The following WNT3A variants were observed in gnomAD, a reference collection of about 807,000 sequenced individuals.
The protein encoded by WNT3A is Wnt family member 3A, also known as protein Wnt-3a.
Under a neutral mutation model 37.0 loss-of-function variants are expected in WNT3A, and 17 were observed. The observed-to-expected ratio is 0.46, with a 90% CI of 0.31 to 0.69. The LOEUF is 0.69. Ranked by LOEUF, WNT3A falls within the 30% of genes least tolerant of loss-of-function variation. The pLI is 0.05. For synonymous variants in WNT3A, 187 were observed against 211.0 expected (o/e 0.89, Z 0.99); for missense variants, 411 against 510.2 (o/e 0.81, Z 1.87).
At position 228,060,966 on chromosome 1, in the gene WNT3A, T is replaced by G. The variant is rs886535475; in HGVS notation, c.*1501T>G. ...GCCCCTCATGGCGGGACTGGAGAAA[T>G]GGTCCGCTTTCCTGGAGCCAATGGC... is the stretch of plus-strand genomic sequence containing the variant. On this transcript the variant is annotated 3_prime_UTR_variant, in exon 4 of 4. Coordinates refer to ENST00000284523, the MANE Select transcript of WNT3A (RefSeq NM_033131.4). The G allele has an allele frequency of 4.6e-5, 7 of 152,452 alleles. No homozygotes were observed. Among genetic ancestry groups the G allele is most frequent in the African/African-American group, 7.2e-5 (3 of 41,422 alleles). The allele number at this position is 152,452 out of a possible 1,614,324, so 9.4% of individuals were successfully genotyped here. A position where few individuals can be genotyped will look rare whatever the true frequency, so the allele number is the denominator to read the frequency against.
At chr1:228,027,136 C>T (rs545202548) in intron 2 of WNT3A, among the ~76,000 whole-genome samples, 1 of 152,372 alleles carries the variant, frequency 6.6e-6, no homozygotes, top group South Asian at 2.1e-4. Flanking sequence ...AGCCACGGTG[C>T]CTGGCCTTAT....
chr1:228,056,644 TCAGAACTG>T (rs1463796916), intron 3 of WNT3A, among the ~76,000 whole-genome samples: 6 of 152,142 alleles, frequency 3.9e-5, no homozygotes, highest in African/African-American at 1.4e-4. Flanking sequence ...GGAAGCTTCC[TCAGAACTG>T]TGGAGCACAG....
chr1:228,010,800 G>C (rs1158774045), intron 1 of WNT3A, among the ~76,000 whole-genome samples: 1 of 152,136 alleles, frequency 6.6e-6, no homozygotes, highest in Non-Finnish European at 1.5e-5. Context: ...ATCCCTCTGG[G>C]CCTCGAGCTT....
intron 1 of WNT3A, among the ~76,000 whole-genome samples, chr1:228,010,078 G>A (rs530887225): frequency 6.2e-4 from 94 of 152,222 alleles, no homozygotes; most frequent in Non-Finnish European, 7.8e-4. Context: ...CAGGAACCTA[G>A]TGGCCCCAGC....
chr1:228,014,271 A>T (rs888280767), intron 1 of WNT3A, among the ~76,000 whole-genome samples: 1 of 152,174 alleles, frequency 6.6e-6, no homozygotes, highest in Non-Finnish European at 1.5e-5. Context: ...GGGGAAACTG[A>T]GGCCCAGGAG....
At chr1:228,053,507 A>G (rs992263697) in intron 3 of WNT3A, among the ~76,000 whole-genome samples, 1 of 152,210 alleles carries the variant, frequency 6.6e-6, no homozygotes, top group African/African-American at 2.4e-5. Flanking sequence ...TTTCATCCAT[A>G]AAAAGACACC....
In WNT3A at chr1:228,060,143, T is replaced by C; in HGVS notation, c.*678T>C. ...AGGCTCCAATGGGGCGGGGCTTCTC[T>C]CCGCGGGTGGGACTCTTCCCTGGGA... On this transcript the variant is annotated 3_prime_UTR_variant, in exon 4 of 4. Transcript: ENST00000284523. The C allele has an allele frequency of 2.2e-6, 3 of 1,344,270 alleles. No homozygotes were observed. Among genetic ancestry groups the C allele is most frequent in the East Asian group, 9.2e-5 (2 of 21,774 alleles). The allele number at this position is 1,344,270 out of a possible 1,614,324, so 83.3% of individuals were successfully genotyped here. A position where few individuals can be genotyped will look rare whatever the true frequency, so the allele number is the denominator to read the frequency against.
chr1:228,045,568 G>C (rs748132234), intron 2 of WNT3A, among the ~76,000 whole-genome samples: 5 of 152,222 alleles, frequency 3.3e-5, no homozygotes, highest in African/African-American at 4.8e-5. Flanking sequence ...GAGGCTTAGA[G>C]AGGAAGTGCT....
At position 228,007,125 on chromosome 1, in the gene WNT3A, G is replaced by A. The variant is rs756679124; in HGVS notation, c.-4G>A. Reference sequence around the variant, plus strand: ...CCCGGCCCTCCGCGCCCTCTCGCGCGGCGATGGCCCCACTCGGATACTTCT... The same window carrying A: ...CCCGGCCCTCCGCGCCCTCTCGCGCAGCGATGGCCCCACTCGGATACTTCT... On this transcript the variant is annotated 5_prime_UTR_variant, in exon 1 of 4. Transcript: ENST00000284523. The surrounding 1 kb of genome is among the most constrained non-coding windows in gnomAD (Gnocchi z 6.0). The A allele has an allele frequency of 1.1e-5, 17 of 1,571,910 alleles. No homozygotes were observed. Among genetic ancestry groups the A allele is most frequent in the Non-Finnish European group, 1.4e-5 (16 of 1,160,932 alleles).
chr1:228,057,719 C>A (rs892131685), intron 3 of WNT3A, among the ~76,000 whole-genome samples: 8 of 152,086 alleles, frequency 5.3e-5, no homozygotes, highest in African/African-American at 1.9e-4. Context: ...AGAATGGGAG[C>A]CACAAATGGC....
At position 228,012,180 on chromosome 1, in the gene WNT3A, G is replaced by A. The variant is rs138144172; in HGVS notation, c.71+4981G>A. On this transcript the variant is annotated intron_variant, in intron 1 of 3. Transcript: ENST00000284523. ...GGCCACTTCTTCCACTGGGTCCCTT[G>A]TGCACATCACCGTACTGTGAGGAGG... Among the ~76,000 whole-genome samples the A allele has an allele frequency of 3.8e-3, 572 of 152,304 alleles. 3 individuals are homozygous for A. Among genetic ancestry groups the A allele is most frequent in the African/African-American group, 0.013 (540 of 41,560 alleles).
rs2031510199 is a variant in WNT3A, at chr1:228,050,098, C to T, written c.314-558C>T. Among the ~76,000 whole-genome samples the T allele has an allele frequency of 6.6e-6, 1 of 152,022 alleles. No individual in the cohort carries two copies. The highest frequency in any genetic ancestry group is 1.5e-5 in the Non-Finnish European group (1 of 68,002). On this transcript the variant is annotated intron_variant, in intron 2 of 3. Transcript: ENST00000284523. This position sits in a 1 kb window ranked among gnomAD's most constrained non-coding sequence, Gnocchi z 5.0. Reference sequence around the variant, plus strand: ...CAGCTGTATGTTTTTTAAGACAGGGCTGGAGTGCAGTGGTGCTATCCTGGC... The same window carrying T: ...CAGCTGTATGTTTTTTAAGACAGGGTTGGAGTGCAGTGGTGCTATCCTGGC...
rs118139242 is a variant in WNT3A, at chr1:228,018,049, G to A, written c.72-4618G>A. ...GTTTGGGCATGAACATCCTTTTCAC[G>A]TTCCAAGGTGGGATCCGGGAGTCCA... On this transcript the variant is annotated intron_variant, in intron 1 of 3. Transcript: ENST00000284523. 3.6e-3 allele frequency among the ~76,000 whole-genome samples: 541 copies of A among 152,322 alleles called. 11 individuals are homozygous for A. The highest frequency in any genetic ancestry group is 0.03 in the East Asian group (155 of 5,176).
intron 2 of WNT3A, among the ~76,000 whole-genome samples, chr1:228,025,559 G>T (rs1243952621): frequency 3.3e-5 from 5 of 152,148 alleles, no homozygotes. Flanking sequence ...GTGTTTCCCA[G>T]ACTGGTCTCT....
chr1:228,033,328 G>A (rs749155665), intron 2 of WNT3A, among the ~76,000 whole-genome samples: 3 of 149,712 alleles, frequency 2.0e-5, no homozygotes, highest in South Asian at 2.1e-4. Flanking sequence ...CTTACATCTC[G>A]GTCTTTAATT....
chr1:228,050,934 C>T lies in WNT3A; in HGVS notation c.579+13C>T. 5.9e-6 allele frequency: 9 copies of T among 1,520,696 alleles called. No individual in the cohort carries two copies. The highest frequency in any genetic ancestry group is 7.9e-6 in the Non-Finnish European group (9 of 1,134,992). 94.2% of individuals were successfully genotyped at this position (1,520,696 alleles called of 1,614,324 possible). ...GGCTGGGCGCCAGGTAGGTTCGCCGCCCGCAAGGGTGCTTGGGAAAAAGGA... is the reference window on the plus strand; with the variant it reads ...GGCTGGGCGCCAGGTAGGTTCGCCGTCCGCAAGGGTGCTTGGGAAAAAGGA... On this transcript the variant is annotated intron_variant, in intron 3 of 3. Transcript: ENST00000284523. This position sits in a 1 kb window ranked among gnomAD's most constrained non-coding sequence, Gnocchi z 5.0.
intron 3 of WNT3A, among the ~76,000 whole-genome samples, chr1:228,052,556 T>C (rs1320779196): frequency 2.0e-5 from 3 of 152,138 alleles, no homozygotes; most frequent in Admixed American, 2.0e-4. Context: ...GGAGGAAAGA[T>C]GGCTGATGGG....
intron 2 of WNT3A, among the ~76,000 whole-genome samples, chr1:228,040,543 A>G (rs1049943158): frequency 2.0e-5 from 3 of 152,182 alleles, no homozygotes; most frequent in African/African-American, 7.2e-5. Context: ...AATGTGAAAG[A>G]CAAGGATTTT....
At chr1:228,032,899 G>A (rs144655466) in intron 2 of WNT3A, among the ~76,000 whole-genome samples, 1 of 152,142 alleles carries the variant, frequency 6.6e-6, no homozygotes, top group East Asian at 1.9e-4. Context: ...TCTCACTGAG[G>A]TTTTCATTTG....
Sources: allele counts gnomAD v4.1 joint callset (sites outside exome capture counted in the v4.1 genomes callset), GRCh38; gene constraint gnomAD v4.1.1; non-coding constraint Gnocchi (gnomAD v3.1); transcripts MANE v1.5; gene names NCBI Gene and HGNC (gene_info 2026-07-23, HGNC 2026-07-21).